DNAH7: variants seen among roughly 807,000 people sequenced by gnomAD.
DNAH7 encodes the protein axonemal beta dynein heavy chain 7.
A neutral mutation model predicts 444.6 loss-of-function variants in DNAH7; 397 were observed. That is an observed-to-expected ratio of 0.89 (90% confidence interval 0.82 to 0.97). DNAH7 has a LOEUF of 0.97. Among genes scored for constraint, DNAH7 ranks in the 50% least tolerant of loss-of-function variants. The pLI is 0.00. For synonymous variants in DNAH7, 1,636 were observed against 1,624.4 expected, an observed-to-expected ratio of 1.01 and a Z score of -0.17; for missense variants, 4,902 against 4,800.8, an observed-to-expected ratio of 1.02 and a Z score of -0.62.
At chr2:195,957,186 T>C in intron 19 of DNAH7, 75 bp downstream of exon 19, 2 of 1,263,698 alleles carry the variant, frequency 1.6e-6, no homozygotes, top group Non-Finnish European at 2.1e-6. Flanking sequence ...CAATAATGGC[T>C]TATATGGATT....
intron 8 of DNAH7, among the ~76,000 whole-genome samples, chr2:196,023,892 C>G (rs1650184532): frequency 6.6e-6 from 1 of 152,116 alleles, no homozygotes; most frequent in African/African-American, 2.4e-5. Context: ...TGTTCTGTCT[C>G]AGGGAATTAG....
Position 195,864,914 on chromosome 2 carries a change from C to T in DNAH7, c.6741G>A (p.Glu2247=), listed in dbSNP as rs1287300772. The change falls in exon 41 of 65, where the codon GAG becomes GAA. Residue 2247 remains glutamate, a synonymous_variant. Transcript: ENST00000312428. ...LRNYMYEDFH[E]LFQRLDFDND... Reference sequence around the variant, plus strand: ...TATCAAAATCCAAACGCTGAAAAAGCTCATGAAAATCTTCATACATGTAGT... The same window carrying T: ...TATCAAAATCCAAACGCTGAAAAAGTTCATGAAAATCTTCATACATGTAGT... The T allele has an allele frequency of 6.2e-7, 1 of 1,613,086 alleles. No homozygotes were observed. The highest frequency in any genetic ancestry group is 1.7e-5 in the Admixed American group (1 of 60,010).
At chr2:195,959,801 A>T (rs1690953473) in intron 18 of DNAH7, among the ~76,000 whole-genome samples, 1 of 152,230 alleles carries the variant, frequency 6.6e-6, no homozygotes, top group African/African-American at 2.4e-5. Flanking sequence ...GCCATCCCGC[A>T]TGCATATGAG....
At position 195,824,241 on chromosome 2, in the gene DNAH7, T is replaced by C. The variant is rs1697604821; in HGVS notation, c.9291+14A>G. The C allele has an allele frequency of 1.9e-6, 3 of 1,594,258 alleles. No homozygotes were observed. Among genetic ancestry groups the C allele is most frequent in the Non-Finnish European group, 2.6e-6 (3 of 1,168,894 alleles). ...ACAAAATCTGATAAAGAAACATTCA[T>C]TTTATATACTGGCCTTTACTGATGT... On this transcript the variant is annotated intron_variant, in intron 49 of 64. Transcript: ENST00000312428.
chr2:195,821,698 A>G (rs976561414), intron 49 of DNAH7, among the ~76,000 whole-genome samples: 3 of 152,204 alleles, frequency 2.0e-5, no homozygotes, highest in African/African-American at 7.2e-5. Context: ...TGGAAATCTT[A>G]GACCTTTCCC....
At chr2:196,012,975 T>C (rs763171396) in intron 9 of DNAH7, 69 bp from the exon 10 acceptor site, 3 of 1,157,254 alleles carry the variant, frequency 2.6e-6, no homozygotes, top group Non-Finnish European at 3.5e-6. Context: ...TATTAATTGG[T>C]TCCTTCTTAA....
At chr2:195,915,223 T>C (rs1367841868) in intron 24 of DNAH7, among the ~76,000 whole-genome samples, 2 of 152,188 alleles carry the variant, frequency 1.3e-5, no homozygotes, top group Non-Finnish European at 2.9e-5. Flanking sequence ...TGAGAATCAC[T>C]GAGGAGAGAT....
At chr2:195,907,545 T>C (rs1452871270) in intron 25 of DNAH7, among the ~76,000 whole-genome samples, 1 of 152,120 alleles carries the variant, frequency 6.6e-6, no homozygotes, top group Admixed American at 6.6e-5. Flanking sequence ...TGAATTCAGA[T>C]CTACTTTTAA....
chr2:196,011,890 C>T (rs1467424707), intron 10 of DNAH7, among the ~76,000 whole-genome samples: 1 of 152,060 alleles, frequency 6.6e-6, no homozygotes, highest in Non-Finnish European at 1.5e-5. Flanking sequence ...TATTTGTATC[C>T]TGTCCTTAAG....
rs1553518206 is a variant in DNAH7 at position 195,778,643 on chromosome 2, A to AAAAT, written c.10879-659_10879-658insATTT. On this transcript the variant is annotated intron_variant, in intron 58 of 64. Coordinates refer to ENST00000312428, the MANE Select transcript of DNAH7 (RefSeq NM_018897.3). ...GAAAAAAAAAAAAAATAAATAAATA[A>AAAAT]ATATATATATATATATATATATATA... 7.5e-4 allele frequency among the ~76,000 whole-genome samples: 42 copies of AAAAT among 56,214 alleles called. 3 individuals are homozygous for AAAAT. The East Asian group carries it at 0.011, about 15-fold the overall frequency. 36.9% of individuals were successfully genotyped at this position (56,214 alleles called of 152,430 possible).
intron 50 of DNAH7, among the ~76,000 whole-genome samples, chr2:195,817,405 TG>T: frequency 6.6e-6 from 1 of 152,336 alleles, no homozygotes; most frequent in East Asian, 1.9e-4. Flanking sequence ...AGTTACACAG[TG>T]AATACCAAAA....
intron 49 of DNAH7, among the ~76,000 whole-genome samples, chr2:195,818,355 C>T (rs1697316076): frequency 6.6e-6 from 1 of 152,208 alleles, no homozygotes; most frequent in East Asian, 1.9e-4. Context: ...TAATCAGCCA[C>T]TATTGTGAAC....
intron 60 of DNAH7, among the ~76,000 whole-genome samples, 178 bp downstream of exon 60, chr2:195,775,668 C>T (rs149054034): frequency 2.7e-4 from 40 of 149,878 alleles, no homozygotes; most frequent in East Asian, 1.6e-3. Flanking sequence ...AAAAAACACA[C>T]GTTCAGGTAC....
chr2:195,774,565 C>G (rs1245894039), intron 60 of DNAH7, among the ~76,000 whole-genome samples: 2 of 152,198 alleles, frequency 1.3e-5, no homozygotes, highest in Non-Finnish European at 2.9e-5. Flanking sequence ...GTTTAGAACA[C>G]AAGATTCTGG....
rs771232783 is a variant in DNAH7 at position 195,906,732 on chromosome 2, T to C, written c.4262A>G (p.Asp1421Gly). The change falls in exon 27 of 65, where the codon GAC becomes GGC. Residue 1421 changes from aspartate to glycine, a missense_variant. Coordinates refer to ENST00000312428, the MANE Select transcript of DNAH7 (RefSeq NM_018897.3). ...TGTTATAAAGACAGCACATGTGGGGTCAAGTTTTAGTTCAGTTCCTTCAAA... is the reference window on the plus strand; with the variant it reads ...TGTTATAAAGACAGCACATGTGGGGCCAAGTTTTAGTTCAGTTCCTTCAAA... ...LMFEGTELKL[D>G]PTCAVFITMN... 2.5e-6 allele frequency: 4 copies of C among 1,613,430 alleles called. No homozygotes were observed. The highest frequency in any genetic ancestry group is 3.4e-6 in the Non-Finnish European group (4 of 1,179,590).
chr2:195,918,556 T>C (rs117406014), intron 24 of DNAH7, among the ~76,000 whole-genome samples: 2,067 of 152,326 alleles, frequency 0.014, 96 homozygotes, highest in Admixed American at 0.08. Context: ...ATAAATTGTG[T>C]TACACCCATA....
Position 195,888,371 on chromosome 2 carries a change from A to G in DNAH7, c.5293T>C (p.Ser1765Pro). 3 of 1,608,536 alleles carry G rather than the reference A, an allele frequency of 1.9e-6. No individual in the cohort carries two copies. The highest frequency in any genetic ancestry group is 2.5e-6 in the Non-Finnish European group (3 of 1,178,396). ...HMLGWRPLML[S>P]WVNLLPASVS... The stretch of plus-strand genomic sequence containing the variant: ...GACGCAGGTAACAGATTCACCCAGG[A>G]CAACATCAGTGGTCTCCAGCCTAAC... Residue 1765 changes from serine to proline, a missense_variant, in exon 33 of 65, where the codon TCC becomes CCC. Ser to Pro is a moderately conservative substitution (Grantham distance 74, BLOSUM62 -1). Coordinates refer to ENST00000312428, the MANE Select transcript of DNAH7 (RefSeq NM_018897.3).
chr2:195,865,450 A>G (rs1467663043), intron 40 of DNAH7, among the ~76,000 whole-genome samples: 1 of 152,176 alleles, frequency 6.6e-6, no homozygotes, highest in Non-Finnish European at 1.5e-5. Context: ...TGACAAATCA[A>G]TAGTTTTTGC....
intron 19 of DNAH7, among the ~76,000 whole-genome samples, chr2:195,944,005 T>C (rs1186994299): frequency 2.6e-5 from 4 of 152,270 alleles, no homozygotes; most frequent in African/African-American, 9.6e-5. Flanking sequence ...CCAGTCTTCC[T>C]TTTTCCCAAT....
Sources: gnomAD v4.1 joint callset for allele counts (sites outside exome capture counted in the v4.1 genomes callset) on GRCh38, gnomAD v4.1.1 for gene constraint, MANE v1.5 for transcripts, NCBI Gene and HGNC (gene_info 2026-07-23, HGNC 2026-07-21) for gene names.